Variants in ABTB3 observed in about 807,000 individuals in gnomAD.
The protein encoded by ABTB3 is ankyrin repeat and BTB domain containing 3.
At chr12:107,437,698 G>A in the ABTB3 span, among the ~76,000 whole-genome samples, 2 of 152,092 alleles carry the variant, frequency 1.3e-5, no homozygotes, top group African/African-American at 2.4e-5. Context: ...CACCACACCC[G>A]GCCGGAGCCA....
At chr12:107,459,889 C>G in the ABTB3 span, among the ~76,000 whole-genome samples, 1 of 152,198 alleles carries the variant, frequency 6.6e-6, no homozygotes, top group Non-Finnish European at 1.5e-5. Context: ...ATGGCCCTCC[C>G]GCCCTGCAGA....
At chr12:107,630,025 C>T in the ABTB3 span, among the ~76,000 whole-genome samples, 1 of 152,136 alleles carries the variant, frequency 6.6e-6, no homozygotes. Context: ...GGACAGATGA[C>T]ACTGGTGCTC....
the ABTB3 span, among the ~76,000 whole-genome samples, chr12:107,457,016 C>A: frequency 2.6e-5 from 4 of 152,156 alleles, no homozygotes; most frequent in Non-Finnish European, 5.9e-5. Context: ...CCCGCCACCA[C>A]GCCCAGCTAA....
chr12:107,580,037 G>A, the ABTB3 span, among the ~76,000 whole-genome samples: 4 of 152,138 alleles, frequency 2.6e-5, no homozygotes, highest in African/African-American at 4.8e-5. Flanking sequence ...TGAGAATGTC[G>A]TCCGCAGACC....
At chr12:107,563,091 A>G in the ABTB3 span, among the ~76,000 whole-genome samples, 3 of 152,186 alleles carry the variant, frequency 2.0e-5, no homozygotes, top group African/African-American at 7.2e-5. Flanking sequence ...GACTCTTAAC[A>G]TAGTTTTTAT....
the ABTB3 span, among the ~76,000 whole-genome samples, chr12:107,492,390 C>T: frequency 2.6e-5 from 4 of 152,266 alleles, no homozygotes; most frequent in South Asian, 2.1e-4. Flanking sequence ...CTCTCCATCT[C>T]GCAGGTAGAT....
the ABTB3 span, among the ~76,000 whole-genome samples, chr12:107,442,814 A>G: frequency 6.6e-6 from 1 of 152,170 alleles, no homozygotes; most frequent in Non-Finnish European, 1.5e-5. Flanking sequence ...CTCCATTCCC[A>G]GGGCAGCTGT....
chr12:107,620,325 A>G, the ABTB3 span, among the ~76,000 whole-genome samples: 1,634 of 152,232 alleles, frequency 0.011, 15 homozygotes, highest in Middle Eastern at 0.02. Flanking sequence ...CTACCTGTGC[A>G]CTCATTTGTG....
chr12:107,413,369 C>G, the ABTB3 span, among the ~76,000 whole-genome samples: 1 of 152,178 alleles, frequency 6.6e-6, no homozygotes, highest in Non-Finnish European at 1.5e-5. Flanking sequence ...TTGGCAAGTT[C>G]AAGTAGCTTG....
chr12:107,640,165 T>C, the ABTB3 span: 86 of 551,046 alleles, frequency 1.6e-4, no homozygotes, highest in Admixed American at 3.1e-4. Context: ...TGATTAGTCC[T>C]GTCTGCTGTT....
At chr12:107,618,431 C>T in the ABTB3 span, 1 of 1,487,744 alleles carries the variant, frequency 6.7e-7, no homozygotes, top group Non-Finnish European at 9.2e-7. Context: ...AGCTTTAGGT[C>T]CACACACACA....
At chr12:107,423,500 A>G in the ABTB3 span, among the ~76,000 whole-genome samples, 1 of 152,164 alleles carries the variant, frequency 6.6e-6, no homozygotes, top group Non-Finnish European at 1.5e-5. Flanking sequence ...AGGAGAGCAC[A>G]CTGTATCCAG....
chr12:107,610,612 C>T, the ABTB3 span, among the ~76,000 whole-genome samples: 4 of 152,140 alleles, frequency 2.6e-5, no homozygotes, highest in East Asian at 7.7e-4. Context: ...AGGCCCATTC[C>T]AGAAAGGAAA....
At chr12:107,643,752 CTT>C in the ABTB3 span, among the ~76,000 whole-genome samples, 19 of 111,348 alleles carry the variant, frequency 1.7e-4, no homozygotes, top group East Asian at 2.2e-4. Flanking sequence ...ATTGTTATTC[CTT>C]TTTTTTTTTT....
the ABTB3 span, among the ~76,000 whole-genome samples, chr12:107,595,638 G>A: frequency 4.6e-5 from 7 of 152,156 alleles, no homozygotes; most frequent in Non-Finnish European, 8.8e-5. Context: ...AGCACAGAGG[G>A]GCAGTGGAGT....
At chr12:107,337,687 A>C in the ABTB3 span, among the ~76,000 whole-genome samples, 1 of 152,170 alleles carries the variant, frequency 6.6e-6, no homozygotes, top group Non-Finnish European at 1.5e-5. Context: ...CCCTCCCATT[A>C]ACTGTGTTGG....
chr12:107,579,032 C>T, the ABTB3 span, among the ~76,000 whole-genome samples: 1 of 152,202 alleles, frequency 6.6e-6, no homozygotes, highest in African/African-American at 2.4e-5. Flanking sequence ...GGGGCATTTG[C>T]AGAGGCAGCG....
chr12:107,361,781 A>T, the ABTB3 span, among the ~76,000 whole-genome samples: 1 of 152,090 alleles, frequency 6.6e-6, no homozygotes, highest in Non-Finnish European at 1.5e-5. Context: ...GCTGCTATCG[A>T]TTGGAGGTTT....
At chr12:107,577,725 G>T in the ABTB3 span, among the ~76,000 whole-genome samples, 1 of 152,098 alleles carries the variant, frequency 6.6e-6, no homozygotes, top group African/African-American at 2.4e-5. Flanking sequence ...CTCATCTCAG[G>T]CCACGTGGTT....
Sources: allele counts gnomAD v4.1 joint callset (sites outside exome capture counted in the v4.1 genomes callset), GRCh38; gene constraint gnomAD v4.1.1; transcripts MANE v1.5; gene names NCBI Gene and HGNC (gene_info 2026-07-23, HGNC 2026-07-21).